USP4: variants seen among roughly 807,000 people sequenced by gnomAD.
USP4 encodes ubiquitin specific peptidase 4.
A neutral mutation model predicts 118.2 loss-of-function variants in USP4; 72 were observed. The ratio of observed to expected loss-of-function variants is 0.61; its 90% CI spans 0.50 to 0.74. USP4 has a LOEUF of 0.74. Among genes scored for constraint, USP4 ranks in the 30% least tolerant of loss-of-function variants. The probability of loss-of-function intolerance (pLI) is 0.00; values close to 1 mark genes in which losing one functional copy is unlikely to be tolerated. For synonymous variants in USP4, 415 were observed against 440.4 expected, an observed-to-expected ratio of 0.94 and a Z score of 0.72; for missense variants, 1,037 against 1,185.7, an observed-to-expected ratio of 0.87 and a Z score of 1.84.
chr3:49,304,953 G>A (rs968895308), intron 9 of USP4, among the ~76,000 whole-genome samples: 5 of 151,618 alleles, frequency 3.3e-5, no homozygotes, highest in Non-Finnish European at 5.9e-5. Context: ...TGGTAGAGAC[G>A]GGGTTTCACT....
At chr3:49,286,865 T>TCTATCTGA (rs1283581134) in intron 15 of USP4, among the ~76,000 whole-genome samples, 1 of 149,800 alleles carries the variant, frequency 6.7e-6, no homozygotes, top group African/African-American at 2.5e-5. Context: ...TATCTATCTA[T>TCTATCTGA]CTGAGATGGA....
chr3:49,333,767 G>A (rs1317833670), intron 2 of USP4, among the ~76,000 whole-genome samples: 1 of 152,166 alleles, frequency 6.6e-6, no homozygotes. Flanking sequence ...GCTGGGCATG[G>A]TGGCTCATGC....
intron 4 of USP4, 65 bp from the exon 5 acceptor site, chr3:49,325,104 A>G: frequency 6.4e-7 from 1 of 1,567,568 alleles, no homozygotes; most frequent in East Asian, 2.2e-5. Context: ...CAGCCATGGC[A>G]AACTAATGCT....
At chr3:49,289,194 T>C (rs1224141011) in intron 15 of USP4, among the ~76,000 whole-genome samples, 2 of 152,158 alleles carry the variant, frequency 1.3e-5, no homozygotes, top group African/African-American at 2.4e-5. Flanking sequence ...GTGACACTCA[T>C]TGTCCCGGAC....
At chr3:49,325,493 T>A (rs150222050) in intron 4 of USP4, among the ~76,000 whole-genome samples, 26 of 152,274 alleles carry the variant, frequency 1.7e-4, no homozygotes, top group African/African-American at 6.3e-4. Context: ...CTACATTTCC[T>A]TATCTTCATT....
chr3:49,282,660 T>C (rs2047045775), intron 19 of USP4, among the ~76,000 whole-genome samples: 1 of 152,088 alleles, frequency 6.6e-6, no homozygotes, highest in Admixed American at 6.6e-5. Context: ...GTATCTATTC[T>C]TTCCCCCAGA....
intron 18 of USP4, 104 bp from the exon 19 acceptor site, chr3:49,284,240 C>T (rs2047070403): frequency 6.8e-7 from 1 of 1,476,736 alleles, no homozygotes; most frequent in African/African-American, 1.4e-5. Context: ...CTGCCATCCT[C>T]TCGGTCAGCA....
chr3:49,333,184 G>A (rs184531543), intron 2 of USP4, among the ~76,000 whole-genome samples: 26 of 140,166 alleles, frequency 1.9e-4, no homozygotes, highest in Admixed American at 6.2e-4. Flanking sequence ...CACTTCTGTC[G>A]CCCAAGCTGG....
chr3:49,289,300 G>A (rs1204994857), intron 15 of USP4, among the ~76,000 whole-genome samples: 3 of 152,102 alleles, frequency 2.0e-5, no homozygotes, highest in Non-Finnish European at 4.4e-5. Flanking sequence ...TCCTTTAATC[G>A]CATGACCTCA....
At chr3:49,299,630 G>GCA in intron 11 of USP4, among the ~76,000 whole-genome samples, 1 of 151,768 alleles carries the variant, frequency 6.6e-6, no homozygotes, top group South Asian at 2.1e-4. Context: ...CTGACCTCGT[G>GCA]ATCTGCCCGC....
Position 49,277,891 on chromosome 3 carries a change from C to G in USP4, c.*402G>C, listed in dbSNP as rs1047724987. 8.0e-6 allele frequency: 3 copies of G among 375,348 alleles called. No homozygotes were observed. Among genetic ancestry groups the G allele is most frequent in the Non-Finnish European group, 1.4e-5 (3 of 212,770 alleles). The allele number at this position is 375,348 out of a possible 1,614,324, so 23.3% of individuals were successfully genotyped here. On this transcript the variant is annotated 3_prime_UTR_variant, in exon 22 of 22. Coordinates refer to ENST00000265560, the MANE Select transcript of USP4 (RefSeq NM_003363.4). ...ACTGTGAGCAGACTACTTGGGGTGA[C>G]TAGTATTGGCATCAGAACCAGAAAT...
intron 12 of USP4, 24 bp downstream of exon 12, chr3:49,298,528 G>A (rs761377519): frequency 1.2e-6 from 2 of 1,611,518 alleles, no homozygotes; most frequent in Non-Finnish European, 1.7e-6. Flanking sequence ...AATAGACCGA[G>A]TGCCACTGAT....
At chr3:49,306,578 G>T (rs1475189028) in intron 8 of USP4, among the ~76,000 whole-genome samples, 1 of 151,886 alleles carries the variant, frequency 6.6e-6, no homozygotes, top group Non-Finnish European at 1.5e-5. Flanking sequence ...AGCATCATGA[G>T]ATAGAAGCTT....
chr3:49,328,293 G>A (rs888425153), intron 2 of USP4, among the ~76,000 whole-genome samples: 3 of 152,004 alleles, frequency 2.0e-5, no homozygotes, highest in African/African-American at 7.2e-5. Flanking sequence ...GGGAGGCAGA[G>A]GTTGCAGTAA....
chr3:49,284,665 C>A, intron 17 of USP4, 81 bp from the exon 18 acceptor site: 1 of 1,342,464 alleles, frequency 7.4e-7, no homozygotes, highest in Non-Finnish European at 1.1e-6. Flanking sequence ...GAGGCTCTCC[C>A]ACCTGGAATG....
chr3:49,302,688 GA>G, intron 9 of USP4, 146 bp from the exon 10 acceptor site: 9 of 736,884 alleles, frequency 1.2e-5, no homozygotes, highest in Admixed American at 3.0e-5. Flanking sequence ...AACTCCTGAA[GA>G]GCCTACAGGA....
rs567090502 is a variant in USP4 at position 49,278,021 on chromosome 3, T to C, written c.*272A>G. The C allele has an allele frequency of 4.1e-6, 2 of 489,818 alleles. No individual in the cohort carries two copies. The highest frequency in any genetic ancestry group is 3.4e-5 in the East Asian group (1 of 29,642). 30.3% of individuals were successfully genotyped at this position (489,818 alleles called of 1,614,324 possible). A position where few individuals can be genotyped will look rare whatever the true frequency, so the allele number is the denominator to read the frequency against. ...TTCGGGATCCATCAGACATACTCCA[T>C]TGAGTACCCCCATCCCACCCCCTTT... On this transcript the variant is annotated 3_prime_UTR_variant, in exon 22 of 22. Transcript: ENST00000265560.
At chr3:49,319,226 G>A (rs1255493340) in intron 6 of USP4, among the ~76,000 whole-genome samples, 3 of 151,626 alleles carry the variant, frequency 2.0e-5, no homozygotes, top group Non-Finnish European at 2.9e-5. Flanking sequence ...ACCTTCCTTC[G>A]ATGACATATT....
At position 49,277,319 on chromosome 3, in the gene USP4, T is replaced by C; in HGVS notation, c.*974A>G. On this transcript the variant is annotated 3_prime_UTR_variant, in exon 22 of 22. Coordinates refer to ENST00000265560, the MANE Select transcript of USP4 (RefSeq NM_003363.4). The stretch of plus-strand genomic sequence containing the variant: ...CCATACGTCCGGTTCCTTAAGGCCT[T>C]GCCCACACGCAGCGGCTGGCCCCGC... 2 of 901,444 alleles carry C rather than the reference T, an allele frequency of 2.2e-6. No individual in the cohort carries two copies. The allele number at this position is 901,444 out of a possible 1,614,324, so 55.8% of individuals were successfully genotyped here. A position where few individuals can be genotyped will look rare whatever the true frequency, so the allele number is the denominator to read the frequency against.
Sources: allele counts gnomAD v4.1 joint callset (sites outside exome capture counted in the v4.1 genomes callset), GRCh38; gene constraint gnomAD v4.1.1; transcripts MANE v1.5; gene names NCBI Gene and HGNC (gene_info 2026-07-23, HGNC 2026-07-21).